The following IL4 variants were observed in gnomAD, a reference collection of about 807,000 sequenced individuals.
The protein encoded by IL4 is interleukin 4, also known as interleukin-4.
In IL4, 10 loss-of-function variants were observed where a neutral mutation model predicts 17.4. That is an observed-to-expected ratio of 0.57 (90% CI 0.35 to 0.97). The LOEUF is 0.97. Ranked by LOEUF, IL4 falls within the 50% of genes least tolerant of loss-of-function variation. The probability of loss-of-function intolerance (pLI) is 0.01; values close to 1 mark genes in which losing one functional copy is unlikely to be tolerated. For synonymous variants in IL4, 87 were observed against 79.0 expected (o/e 1.10, Z -0.54); for missense variants, 174 against 187.7 (o/e 0.93, Z 0.43).
chr5:132,675,602 G>A (rs1032267395), intron 2 of IL4, among the ~76,000 whole-genome samples: 4 of 150,944 alleles, frequency 2.6e-5, no homozygotes, highest in African/African-American at 9.8e-5. Flanking sequence ...AGGCTGGAGT[G>A]CAGTGGTGCG....
intron 2 of IL4, among the ~76,000 whole-genome samples, 182 bp downstream of exon 2, chr5:132,674,688 T>C (rs1752346470): frequency 6.6e-6 from 1 of 152,226 alleles, no homozygotes; most frequent in Non-Finnish European, 1.5e-5. Context: ...CTGGTTTCAC[T>C]TGATTTAGAA....
In IL4 at chr5:132,674,092, G is replaced by A; in HGVS notation, c.42G>A (p.Leu14=). The A allele has an allele frequency of 1.2e-6, 2 of 1,614,136 alleles. No homozygotes were observed. Among genetic ancestry groups the A allele is most frequent in the East Asian group, 2.2e-5 (1 of 44,890 alleles). Residue 14 remains leucine, a synonymous_variant, in exon 1 of 4, where the codon CTG becomes CTA. Transcript: ENST00000231449. The stretch of plus-strand genomic sequence containing the variant: ...AACTGCTTCCCCCTCTGTTCTTCCT[G>A]CTAGCATGTGCCGGCAACTTTGTCC... ...TSQLLPPLFF[L]LACAGNFVHG...
chr5:132,675,116 G>A (rs1022923486), intron 2 of IL4, among the ~76,000 whole-genome samples: 1 of 152,078 alleles, frequency 6.6e-6, no homozygotes, highest in Non-Finnish European at 1.5e-5. Context: ...TCCCTGCTTC[G>A]GGCTGCCTGG....
At chr5:132,674,813 A>G (rs1258394082) in intron 2 of IL4, among the ~76,000 whole-genome samples, 1 of 152,236 alleles carries the variant, frequency 6.6e-6, no homozygotes, top group Non-Finnish European at 1.5e-5. Context: ...GAGGCACTCA[A>G]TAAATGCCTG....
chr5:132,679,664 T>A (rs1206178020), intron 2 of IL4, 50 bp from the exon 3 acceptor site: 1 of 1,494,910 alleles, frequency 6.7e-7, no homozygotes, highest in Non-Finnish European at 9.1e-7. Flanking sequence ...CTCTCTCCCA[T>A]CCTCCAAATG....
chr5:132,682,356 G>C, intron 3 of IL4, 130 bp from the exon 4 acceptor site: 2 of 587,830 alleles, frequency 3.4e-6, no homozygotes. Flanking sequence ...ACAACTCCCA[G>C]TCAGGCTAGA....
Position 132,674,479 on chromosome 5 carries a change from C to A in IL4, c.156C>A (p.Thr52=). 2 of 1,614,060 alleles carry A rather than the reference C, an allele frequency of 1.2e-6. No individual in the cohort carries two copies. The highest frequency in any genetic ancestry group is 1.7e-6 in the Non-Finnish European group (2 of 1,179,958). ...CCAAGACTCTGTGCACCGAGTTGACCGTAACAGACATCTTTGCTGCCTCCA... is the reference window on the plus strand; with the variant it reads ...CCAAGACTCTGTGCACCGAGTTGACAGTAACAGACATCTTTGCTGCCTCCA... ...TEQKTLCTEL[T]VTDIFAASKN... The change falls in exon 2 of 4, where the codon ACC becomes ACA. Residue 52 remains threonine (T), a synonymous_variant. Coordinates refer to ENST00000231449, the MANE Select transcript of IL4 (RefSeq NM_000589.4).
intron 3 of IL4, among the ~76,000 whole-genome samples, chr5:132,681,135 G>C (rs1337398578): frequency 4.6e-5 from 7 of 152,220 alleles, no homozygotes; most frequent in Admixed American, 4.6e-4. Context: ...AGAGTCCTTA[G>C]ATAGATACTG....
chr5:132,675,313 G>C (rs1035661951), intron 2 of IL4, among the ~76,000 whole-genome samples: 3 of 152,198 alleles, frequency 2.0e-5, no homozygotes, highest in Non-Finnish European at 2.9e-5. Flanking sequence ...AAGCCCCAAA[G>C]CCTCAATTTC....
chr5:132,678,535 T>G (rs1352375190), intron 2 of IL4, among the ~76,000 whole-genome samples: 1 of 152,224 alleles, frequency 6.6e-6, no homozygotes, highest in Non-Finnish European at 1.5e-5. Flanking sequence ...ACTTGAAAGC[T>G]GCTTGGACAG....
rs374816647 is a variant in IL4, at chr5:132,682,405, G to C, written c.361-81G>C. 5.5e-5 allele frequency: 45 copies of C among 823,022 alleles called. No homozygotes were observed. The South Asian group carries it at 6.8e-4, about 12-fold the overall frequency. 51.0% of individuals were successfully genotyped at this position (823,022 alleles called of 1,614,324 possible). On this transcript the variant is annotated intron_variant, in intron 3 of 3. Coordinates refer to ENST00000231449, the MANE Select transcript of IL4 (RefSeq NM_000589.4). The stretch of plus-strand genomic sequence containing the variant: ...TTTTATAAGTGTTCAGGTGACAAGT[G>C]CCACAGTAGGCTTGATCAAGTAGAC...
At chr5:132,675,828 A>G (rs904491402) in intron 2 of IL4, among the ~76,000 whole-genome samples, 2 of 149,868 alleles carry the variant, frequency 1.3e-5, no homozygotes, top group South Asian at 2.1e-4. Context: ...GGGATTAGCC[A>G]CTGCACCTGG....
At chr5:132,676,289 G>A (rs990664712) in intron 2 of IL4, among the ~76,000 whole-genome samples, 3 of 152,218 alleles carry the variant, frequency 2.0e-5, no homozygotes, top group African/African-American at 4.8e-5. Flanking sequence ...TTGGAATCCA[G>A]CTCTTGAGTT....
intron 2 of IL4, among the ~76,000 whole-genome samples, chr5:132,679,178 C>T (rs1285226038): frequency 2.6e-5 from 4 of 152,308 alleles, no homozygotes; most frequent in South Asian, 2.1e-4. Flanking sequence ...GAGAGCCACA[C>T]GGAGAGTGCT....
In IL4 at chr5:132,676,333, C is replaced by T. The variant is rs1412687918; in HGVS notation, c.183+1827C>T. ...GTGTTATTGTGAGATGATATAACCA[C>T]GATTAAAAGCAAGAACAGGTGCAGA... is the stretch of plus-strand genomic sequence containing the variant. On this transcript the variant is annotated intron_variant, in intron 2 of 3. Coordinates refer to ENST00000231449, the MANE Select transcript of IL4 (RefSeq NM_000589.4). Among the ~76,000 whole-genome samples the T allele has an allele frequency of 3.3e-5, 5 of 152,094 alleles. No homozygotes were observed. In the South Asian group the frequency reaches 6.2e-4, roughly 19 times the overall value.
intron 2 of IL4, among the ~76,000 whole-genome samples, chr5:132,676,522 AC>A (rs1752386559): frequency 6.6e-6 from 1 of 151,552 alleles, no homozygotes; most frequent in South Asian, 2.1e-4. Context: ...CTCAGTCCTC[AC>A]TCACCTCCCT....
intron 2 of IL4, among the ~76,000 whole-genome samples, chr5:132,675,847 T>TGTGTGTG (rs1561676103): frequency 1.5e-5 from 1 of 67,918 alleles, no homozygotes; most frequent in African/African-American, 5.2e-5. Flanking sequence ...GGGCAACAGT[T>TGTGTGTG]TATGTGTGTG....
In IL4 at chr5:132,678,311, G is replaced by A. The variant is rs9282746; in HGVS notation, c.184-1403G>A. Among the ~76,000 whole-genome samples, 1,095 of 140,432 alleles carry A rather than the reference G, an allele frequency of 7.8e-3. 16 individuals are homozygous for A. Among genetic ancestry groups the A allele is most frequent in the African/African-American group, 0.028 (1,050 of 38,026 alleles). 92.1% of individuals were successfully genotyped at this position (140,432 alleles called of 152,430 possible). A position where few individuals can be genotyped will look rare whatever the true frequency, so the allele number is the denominator to read the frequency against. On this transcript the variant is annotated intron_variant, in intron 2 of 3. Coordinates refer to ENST00000231449, the MANE Select transcript of IL4 (RefSeq NM_000589.4). ...ACCGAAGGGCTTAGGAAATGCTTAT[G>A]GTATATGTAAAGAGTAAAGAAGTTA...
At chr5:132,676,941 A>G (rs576206672) in intron 2 of IL4, among the ~76,000 whole-genome samples, 1 of 152,316 alleles carries the variant, frequency 6.6e-6, no homozygotes. Context: ...CAGGGTGTCT[A>G]TGAAGTCAAG....
Sources: allele counts gnomAD v4.1 joint callset (sites outside exome capture counted in the v4.1 genomes callset), GRCh38; gene constraint gnomAD v4.1.1; transcripts MANE v1.5; gene names NCBI Gene and HGNC (gene_info 2026-07-23, HGNC 2026-07-21).